Variants in CHLSN observed in about 807,000 individuals in gnomAD.
The protein encoded by CHLSN is protein cholesin.
At chr7:1,007,218 G>T in the CHLSN span, among the ~76,000 whole-genome samples, 1 of 152,238 alleles carries the variant, frequency 6.6e-6, no homozygotes, top group African/African-American at 2.4e-5. Flanking sequence ...CCTGGCTGCA[G>T]ATGGCTTTGC....
chr7:993,045 GAT>G, the CHLSN span, among the ~76,000 whole-genome samples: 1 of 152,244 alleles, frequency 6.6e-6, no homozygotes, highest in African/African-American at 2.4e-5. Context: ...CCACAGGGGT[GAT>G]GAGGTGAGGC....
At chr7:1,033,344 GGTC>G in the CHLSN span, among the ~76,000 whole-genome samples, 7 of 152,270 alleles carry the variant, frequency 4.6e-5, no homozygotes, top group Admixed American at 6.5e-5. Context: ...GATCACCTGA[GGTC>G]GGGAGTTCAA....
the CHLSN span, chr7:1,080,996 CCGGCCGAGCTGGAGCCTGCA>C: frequency 1.3e-5 from 2 of 152,576 alleles, no homozygotes; most frequent in Non-Finnish European, 1.5e-5. Context: ...AACAGGAAGG[CCGGCCGAGCTGGAGCCTGCA>C]CGGCCCTGCA....
the CHLSN span, among the ~76,000 whole-genome samples, chr7:1,112,518 C>A: frequency 2.0e-5 from 3 of 152,316 alleles, no homozygotes; most frequent in Middle Eastern, 3.4e-3. Context: ...CGGACAGGAA[C>A]ACCGTGGATG....
the CHLSN span, chr7:986,755 C>A: frequency 1.2e-6 from 2 of 1,604,184 alleles, no homozygotes; most frequent in Non-Finnish European, 1.7e-6. Context: ...GCCCGGGGGA[C>A]CCCGTGTGCA....
the CHLSN span, chr7:989,196 G>A: frequency 7.6e-6 from 2 of 261,842 alleles, no homozygotes; most frequent in East Asian, 1.4e-4. Flanking sequence ...TCCAGCCAGA[G>A]ACAGGCGCAG....
chr7:1,092,713 G>A, the CHLSN span: 2 of 1,613,506 alleles, frequency 1.2e-6, no homozygotes, highest in Non-Finnish European at 1.7e-6. Flanking sequence ...CTTTCTCGGG[G>A]AGACCTTCAG....
chr7:1,006,321 GCAGGGAAAGAGCACACGACGGTCACAGCA>G, the CHLSN span, among the ~76,000 whole-genome samples: 2 of 152,108 alleles, frequency 1.3e-5, no homozygotes, highest in East Asian at 1.9e-4. Flanking sequence ...CGGCCACAGT[GCAGGGAAAGAGCACACGACGGTCACAGCA>G]CAGGGAAAGA....
At chr7:1,101,178 C>T in the CHLSN span, among the ~76,000 whole-genome samples, 1 of 152,262 alleles carries the variant, frequency 6.6e-6, no homozygotes, top group Non-Finnish European at 1.5e-5. Context: ...ACCCAGGCTG[C>T]GTTGCTGGGA....
the CHLSN span, chr7:1,093,542 G>A: frequency 2.5e-5 from 12 of 471,032 alleles, no homozygotes; most frequent in African/African-American, 6.0e-5. Flanking sequence ...AGCGCCCGCC[G>A]TCTGCTCCGG....
At chr7:1,011,463 AG>A in the CHLSN span, among the ~76,000 whole-genome samples, 1 of 140,304 alleles carries the variant, frequency 7.1e-6, no homozygotes. Context: ...ACAGACACCC[AG>A]ACACACCCAC....
the CHLSN span, among the ~76,000 whole-genome samples, chr7:1,124,066 T>C: frequency 6.6e-6 from 1 of 152,148 alleles, no homozygotes; most frequent in South Asian, 2.1e-4. Context: ...ACCAGCAGAG[T>C]CCAGCCCTCA....
the CHLSN span, chr7:1,093,474 C>T: frequency 8.5e-6 from 4 of 469,440 alleles, no homozygotes; most frequent in Admixed American, 2.4e-5. Context: ...TGCGGCCTCA[C>T]CAGGCCCACG....
the CHLSN span, among the ~76,000 whole-genome samples, chr7:1,072,464 G>C: frequency 6.6e-6 from 1 of 152,224 alleles, no homozygotes; most frequent in Admixed American, 6.5e-5. Flanking sequence ...AGGAAGGGCT[G>C]TGCGTTCTGC....
the CHLSN span, among the ~76,000 whole-genome samples, chr7:1,046,626 A>C: frequency 2.0e-5 from 3 of 152,208 alleles, no homozygotes; most frequent in African/African-American, 4.8e-5. Flanking sequence ...GCCCGGGACC[A>C]GAAGTCAGTT....
the CHLSN span, among the ~76,000 whole-genome samples, chr7:1,016,023 C>T: frequency 6.8e-6 from 1 of 146,670 alleles, no homozygotes; most frequent in Admixed American, 6.9e-5. Context: ...CCAGACAAAA[C>T]ACGCTCCCCC....
chr7:1,127,244 C>T, the CHLSN span: 3 of 1,589,564 alleles, frequency 1.9e-6, no homozygotes, highest in East Asian at 2.2e-5. Context: ...CAGTGAAGCA[C>T]AGGCGGCCTT....
the CHLSN span, chr7:1,092,584 C>T: frequency 4.5e-5 from 72 of 1,611,114 alleles, no homozygotes; most frequent in Middle Eastern, 3.3e-4. Context: ...CCTCCTGCAG[C>T]GGACGCAGCC....
the CHLSN span, chr7:1,074,829 C>G: frequency 1.3e-5 from 2 of 152,522 alleles, no homozygotes; most frequent in African/African-American, 4.8e-5. Flanking sequence ...CTCGAGGGAC[C>G]CGCCCATGTG....
Sources: allele counts gnomAD v4.1 joint callset (sites outside exome capture counted in the v4.1 genomes callset), GRCh38; gene constraint gnomAD v4.1.1; transcripts MANE v1.5; gene names NCBI Gene and HGNC (gene_info 2026-07-23, HGNC 2026-07-21).